The following LAMA2 variants were observed in gnomAD, a reference collection of about 807,000 sequenced individuals.
The protein encoded by LAMA2 is laminin subunit alpha 2.
Under a neutral mutation model 364.8 loss-of-function variants are expected in LAMA2, and 269 were observed. The observed-to-expected ratio is 0.74, with a 90% CI of 0.67 to 0.82. The LOEUF (loss-of-function observed/expected upper bound fraction) is 0.82. Among genes scored for constraint, LAMA2 ranks in the 40% least tolerant of loss-of-function variants. The pLI is 0.00. For missense variants in LAMA2, 3,807 were observed against 3,873.2 expected, an observed-to-expected ratio of 0.98 and a Z score of 0.45; for synonymous variants, 1,379 against 1,370.6, an observed-to-expected ratio of 1.01 and a Z score of -0.14.
intron 1 of LAMA2, among the ~76,000 whole-genome samples, chr6:128,931,155 A>G (rs557546692): frequency 2.0e-5 from 3 of 152,244 alleles, no homozygotes; most frequent in Admixed American, 6.5e-5. Flanking sequence ...ACCTGTCTCT[A>G]TAGCTTACAA....
At chr6:128,931,905 C>T (rs567805568) in intron 1 of LAMA2, among the ~76,000 whole-genome samples, 4 of 152,270 alleles carry the variant, frequency 2.6e-5, no homozygotes, top group Admixed American at 2.0e-4. Flanking sequence ...TAATTTAACT[C>T]CATTATTTTG....
At chr6:129,411,363 T>C (rs2114711506) in intron 40 of LAMA2, among the ~76,000 whole-genome samples, 1 of 152,316 alleles carries the variant, frequency 6.6e-6, no homozygotes, top group Middle Eastern at 3.4e-3. Flanking sequence ...AGTTCAGATA[T>C]AATGCATTTC....
intron 4 of LAMA2, among the ~76,000 whole-genome samples, chr6:129,103,525 AC>A (rs1304181979): frequency 1.3e-5 from 2 of 152,168 alleles, no homozygotes; most frequent in African/African-American, 2.4e-5. Flanking sequence ...CAATTCAGGT[AC>A]TATTTTGCAT....
intron 4 of LAMA2, among the ~76,000 whole-genome samples, chr6:129,124,886 C>T (rs902556033): frequency 9.9e-5 from 15 of 152,118 alleles, no homozygotes; most frequent in Admixed American, 3.9e-4. Flanking sequence ...TCTGCTTGCT[C>T]TAGCTGTGTT....
intron 20 of LAMA2, among the ~76,000 whole-genome samples, chr6:129,293,883 G>T (rs1248398750): frequency 6.6e-6 from 1 of 152,208 alleles, no homozygotes; most frequent in African/African-American, 2.4e-5. Flanking sequence ...AAATTTTGAT[G>T]TCAGACTGCC....
intron 18 of LAMA2, among the ~76,000 whole-genome samples, chr6:129,285,577 GT>G (rs1789044514): frequency 6.6e-6 from 1 of 152,024 alleles, no homozygotes; most frequent in Admixed American, 6.6e-5. Context: ...AAAATAATAG[GT>G]TTTCGTTTGC....
At chr6:129,135,974 GA>G (rs1391552328) in intron 4 of LAMA2, among the ~76,000 whole-genome samples, 4 of 151,688 alleles carry the variant, frequency 2.6e-5, no homozygotes, top group Non-Finnish European at 5.9e-5. Context: ...AAAATTATTT[GA>G]AAGCATTTAA....
At chr6:129,281,129 G>A (rs1183940269) in intron 18 of LAMA2, among the ~76,000 whole-genome samples, 1 of 152,000 alleles carries the variant, frequency 6.6e-6, no homozygotes, top group Non-Finnish European at 1.5e-5. Flanking sequence ...GAGTATGGAA[G>A]CATCTGTAAA....
intron 9 of LAMA2, among the ~76,000 whole-genome samples, chr6:129,173,058 C>T (rs529382176): frequency 6.5e-4 from 99 of 152,338 alleles, no homozygotes; most frequent in Middle Eastern, 3.4e-3. Context: ...ACCCACTGAC[C>T]TGCGCCCACT....
In LAMA2 at chr6:129,112,283, TGTTATTTCAGTG is replaced by T. The variant is rs1189563015; in HGVS notation, c.639+13880_639+13891del. Among the ~76,000 whole-genome samples, 183 of 152,160 alleles carry T rather than the reference TGTTATTTCAGTG, an allele frequency of 1.2e-3. 1 individual carries two copies. The highest frequency in any genetic ancestry group is 4.3e-3 in the African/African-American group (180 of 41,558). ...GTTATTTTTTATCTCCACATTAGTTTGTTATTTCAGTGGTTATTTCAGTTAAAGACATTTTTC... is the reference window on the plus strand; with the variant it reads ...GTTATTTTTTATCTCCACATTAGTTTGTTATTTCAGTTAAAGACATTTTTC... On this transcript the variant is annotated intron_variant, in intron 4 of 64. Coordinates refer to ENST00000421865, the MANE Select transcript of LAMA2 (RefSeq NM_000426.4).
At position 129,315,836 on chromosome 6, in the gene LAMA2, T is replaced by A; in HGVS notation, c.3810T>A (p.Tyr1270Ter). 1 of 1,614,018 alleles carries A rather than the reference T, an allele frequency of 6.2e-7. No homozygotes were observed. ...EAREETGFST[Y>*]NPQVIIRGGT... ...GGGAAGAAACAGGTTTCTCTACATA[T>A]AATCCTCAAGTGATCATTCGAGGTG... Residue 1270 changes from tyrosine (Y) to a stop codon, truncating the protein, a stop_gained, in exon 26 of 65, where the codon TAT becomes TAA. Coordinates refer to ENST00000421865, the MANE Select transcript of LAMA2 (RefSeq NM_000426.4). LOFTEE classifies it high-confidence loss of function.
chr6:129,140,436 A>G (rs1778058527), intron 4 of LAMA2, among the ~76,000 whole-genome samples: 1 of 152,074 alleles, frequency 6.6e-6, no homozygotes, highest in Non-Finnish European at 1.5e-5. Context: ...CCATAGTCTG[A>G]TATTTGCAGT....
chr6:128,955,625 T>C (rs1052241615), intron 1 of LAMA2, among the ~76,000 whole-genome samples: 8 of 151,952 alleles, frequency 5.3e-5, no homozygotes, highest in African/African-American at 1.9e-4. Flanking sequence ...ATTGCAGTTA[T>C]GGGCGTTTGG....
intron 37 of LAMA2, among the ~76,000 whole-genome samples, chr6:129,398,883 A>G (rs1245079567): frequency 6.6e-6 from 1 of 152,252 alleles, no homozygotes; most frequent in Non-Finnish European, 1.5e-5. Flanking sequence ...TGCAGGAGAC[A>G]GTCACTAAGT....
chr6:128,929,674 A>T, intron 1 of LAMA2: 1 of 1,419,288 alleles, frequency 7.0e-7, no homozygotes, highest in Non-Finnish European at 9.9e-7. Flanking sequence ...ACTGAAGCCA[A>T]CGCCAAGAAA....
At chr6:129,242,352 T>C (rs1400162693) in intron 12 of LAMA2, among the ~76,000 whole-genome samples, 1 of 152,204 alleles carries the variant, frequency 6.6e-6, no homozygotes, top group East Asian at 1.9e-4. Context: ...ACAAGGATTA[T>C]ACATTTTCTT....
chr6:129,454,406 CAT>C (rs771386914), intron 47 of LAMA2, 118 bp downstream of exon 47: 30 of 769,354 alleles, frequency 3.9e-5, no homozygotes, highest in Non-Finnish European at 5.6e-5. Context: ...CATGTAAACA[CAT>C]GTGTATGAAT....
intron 1 of LAMA2, among the ~76,000 whole-genome samples, chr6:128,885,533 C>G (rs1776101701): frequency 6.6e-6 from 1 of 152,072 alleles, no homozygotes; most frequent in Non-Finnish European, 1.5e-5. Flanking sequence ...TAGTGTTGTT[C>G]CATTGAAGCA....
intron 8 of LAMA2, among the ~76,000 whole-genome samples, chr6:129,162,459 A>G (rs1562288523): frequency 3.4e-5 from 5 of 147,704 alleles, no homozygotes; most frequent in African/African-American, 1.2e-4. Flanking sequence ...TTCCTTTAAC[A>G]TTTTTTTTTT....
Sources: allele counts gnomAD v4.1 joint callset (sites outside exome capture counted in the v4.1 genomes callset), GRCh38; gene constraint gnomAD v4.1.1; transcripts MANE v1.5; gene names NCBI Gene and HGNC (gene_info 2026-07-23, HGNC 2026-07-21).